CSNK1G1: variants seen among roughly 807,000 people sequenced by gnomAD.
CSNK1G1 encodes casein kinase 1 gamma 1.
Under a neutral mutation model 59.6 loss-of-function variants are expected in CSNK1G1, and 22 were observed. The observed-to-expected ratio is 0.37, with a 90% CI of 0.26 to 0.53. The LOEUF (loss-of-function observed/expected upper bound fraction) is 0.53. Ranked by LOEUF, CSNK1G1 falls within the 20% of genes least tolerant of loss-of-function variation. The probability of loss-of-function intolerance (pLI) is 0.89; values close to 1 mark genes in which losing one functional copy is unlikely to be tolerated. For synonymous variants in CSNK1G1, 179 were observed against 177.1 expected (o/e 1.01, Z -0.08); for missense variants, 384 against 519.5 (o/e 0.74, Z 2.54).
At chr15:64,267,421 T>G (rs1265491528) in intron 2 of CSNK1G1, among the ~76,000 whole-genome samples, 6 of 151,956 alleles carry the variant, frequency 3.9e-5, no homozygotes, top group Middle Eastern at 3.4e-3. Flanking sequence ...TGACAAAGGG[T>G]TAATATCCAG....
intron 10 of CSNK1G1, among the ~76,000 whole-genome samples, chr15:64,189,719 G>T (rs913562640): frequency 1.3e-5 from 2 of 151,730 alleles, no homozygotes; most frequent in Admixed American, 1.3e-4. Flanking sequence ...CCATATTTCA[G>T]TATCTCATTG....
rs1230884972 is a variant in CSNK1G1 at position 64,216,088 on chromosome 15, C to T, written c.444+474G>A. Among the ~76,000 whole-genome samples the T allele has an allele frequency of 2.0e-5, 3 of 151,504 alleles. No homozygotes were observed. Among genetic ancestry groups the T allele is most frequent in the Non-Finnish European group, 2.9e-5 (2 of 67,922 alleles). The stretch of plus-strand genomic sequence containing the variant: ...AAACACTTTTTTTTTTTTAAATGAG[C>T]TGGCATGGCACCTGCAGTCCTAGCT... On this transcript the variant is annotated intron_variant, in intron 5 of 11. Coordinates refer to ENST00000303052, the MANE Select transcript of CSNK1G1 (RefSeq NM_022048.5). The surrounding 1 kb of genome is among the most constrained non-coding windows in gnomAD (Gnocchi z 4.6).
intron 10 of CSNK1G1, among the ~76,000 whole-genome samples, chr15:64,191,644 C>T (rs1302374324): frequency 6.6e-6 from 1 of 152,112 alleles, no homozygotes; most frequent in South Asian, 2.1e-4. Context: ...AATCACATTC[C>T]ATCTCCATTC....
chr15:64,326,808 T>A (rs1295835853), intron 1 of CSNK1G1, among the ~76,000 whole-genome samples: 1 of 150,598 alleles, frequency 6.6e-6, no homozygotes, highest in African/African-American at 2.5e-5. Context: ...CGCAGGCCAG[T>A]GGGTGCGCGC....
chr15:64,220,063 C>T (rs961488448), intron 4 of CSNK1G1, among the ~76,000 whole-genome samples: 5 of 151,406 alleles, frequency 3.3e-5, no homozygotes, highest in Middle Eastern at 3.4e-3. Context: ...TGAGCCACCA[C>T]GCCCAGCCTC....
At chr15:64,277,564 TTAATATAATAAA>T (rs1893713248) in intron 2 of CSNK1G1, among the ~76,000 whole-genome samples, 1 of 132,260 alleles carries the variant, frequency 7.6e-6, no homozygotes, top group Non-Finnish European at 1.6e-5. Context: ...ATAATAAAAT[TTAATATAATAAA>T]TATATTAATA....
intron 2 of CSNK1G1, among the ~76,000 whole-genome samples, chr15:64,287,777 A>G (rs1894507532): frequency 6.6e-6 from 1 of 152,214 alleles, no homozygotes; most frequent in Non-Finnish European, 1.5e-5. Context: ...TGTTACCAGA[A>G]TACACAAAAG....
At chr15:64,196,795 T>TG (rs922820907) in intron 10 of CSNK1G1, among the ~76,000 whole-genome samples, 35 of 130,190 alleles carry the variant, frequency 2.7e-4, no homozygotes, top group Non-Finnish European at 4.5e-4. Flanking sequence ...TCTGTGTGTG[T>TG]TTTTTTTTTT....
chr15:64,213,984 A>G lies in CSNK1G1; in HGVS notation c.585T>C (p.Ile195=), dbSNP rs1365746694. The change falls in exon 6 of 12, where the codon ATT becomes ATC. Residue 195 remains isoleucine (I), a synonymous_variant. Transcript: ENST00000303052. ...IIDFGLAKEY[I]DPETKKHIPY... ...GTATGTGTTTTTTGGTTTCGGGGTCAATGTATTCCTTGGCCAGTCCAAAGT... is the reference window on the plus strand; with the variant it reads ...GTATGTGTTTTTTGGTTTCGGGGTCGATGTATTCCTTGGCCAGTCCAAAGT... The G allele has an allele frequency of 6.2e-7, 1 of 1,613,992 alleles. No individual in the cohort carries two copies. The highest frequency in any genetic ancestry group is 2.2e-5 in the East Asian group (1 of 44,886).
At chr15:64,277,839 A>G (rs1188796185) in intron 2 of CSNK1G1, among the ~76,000 whole-genome samples, 1 of 138,514 alleles carries the variant, frequency 7.2e-6, no homozygotes, top group African/African-American at 2.7e-5. Context: ...AATAATATTG[A>G]TATATTTAAT....
chr15:64,214,280 A>C lies in CSNK1G1; in HGVS notation c.445-156T>G, dbSNP rs1428121702. On this transcript the variant is annotated intron_variant, in intron 5 of 11. Coordinates refer to ENST00000303052, the MANE Select transcript of CSNK1G1 (RefSeq NM_022048.5). This position sits in a 1 kb window ranked among gnomAD's most constrained non-coding sequence, Gnocchi z 4.3. ...TGAGTCACTTCACTGACTTGTAAAC[A>C]AAAAAATATTTTGCTATAAATACGT... is the stretch of plus-strand genomic sequence containing the variant. The C allele has an allele frequency of 1.6e-6, 1 of 619,168 alleles. No homozygotes were observed. The highest frequency in any genetic ancestry group is 2.8e-6 in the Non-Finnish European group (1 of 350,882). 38.4% of individuals were successfully genotyped at this position (619,168 alleles called of 1,614,324 possible). A position where few individuals can be genotyped will look rare whatever the true frequency, so the allele number is the denominator to read the frequency against.
At chr15:64,283,086 A>G (rs559392942) in intron 2 of CSNK1G1, among the ~76,000 whole-genome samples, 49 of 152,314 alleles carry the variant, frequency 3.2e-4, no homozygotes, top group African/African-American at 1.1e-3. Context: ...TGGGTGCACC[A>G]AAATCTCAGA....
chr15:64,306,376 A>G (rs971562732), intron 1 of CSNK1G1, among the ~76,000 whole-genome samples: 1 of 152,244 alleles, frequency 6.6e-6, no homozygotes, highest in African/African-American at 2.4e-5. Flanking sequence ...TGGCAAATAC[A>G]TATATGAAAA....
chr15:64,281,788 C>T (rs564017710), intron 2 of CSNK1G1, among the ~76,000 whole-genome samples: 2 of 147,664 alleles, frequency 1.4e-5, no homozygotes, highest in Non-Finnish European at 3.0e-5. Context: ...TGCAGTGAGC[C>T]GAGACTGTGC....
Position 64,279,749 on chromosome 15 carries a change from G to A in CSNK1G1, c.182-20508C>T, listed in dbSNP as rs140367889. ...AGGACTTTGGGAGGCCGAGGTGGGC[G>A]GATCACAAGGTCAGGAGTTCAAGAC... On this transcript the variant is annotated intron_variant, in intron 2 of 11. Transcript: ENST00000303052. Among the ~76,000 whole-genome samples the A allele has an allele frequency of 3.1e-3, 469 of 152,022 alleles. 4 individuals are homozygous for A. The highest frequency in any genetic ancestry group is 0.011 in the African/African-American group (440 of 41,460).
At chr15:64,207,179 G>A (rs192854528) in intron 7 of CSNK1G1, among the ~76,000 whole-genome samples, 1 of 152,218 alleles carries the variant, frequency 6.6e-6, no homozygotes, top group Admixed American at 6.5e-5. Flanking sequence ...CCAAAGCCCA[G>A]GAGAGCATTT....
intron 1 of CSNK1G1, among the ~76,000 whole-genome samples, chr15:64,353,698 G>A (rs1343117862): frequency 6.6e-6 from 1 of 151,554 alleles, no homozygotes; most frequent in African/African-American, 2.4e-5. Flanking sequence ...GGGTGAGGTG[G>A]CTCACACCTG....
At chr15:64,173,105 A>G (rs2081695306) in intron 11 of CSNK1G1, among the ~76,000 whole-genome samples, 1 of 152,232 alleles carries the variant, frequency 6.6e-6, no homozygotes, top group African/African-American at 2.4e-5. Context: ...CTTTTCTGAA[A>G]AAACTATCTT....
chr15:64,318,868 C>G (rs185445760), intron 1 of CSNK1G1, among the ~76,000 whole-genome samples: 7 of 152,164 alleles, frequency 4.6e-5, no homozygotes, highest in African/African-American at 1.7e-4. Flanking sequence ...ATCTCAGCCT[C>G]CCAAAGTGCT....
Sources: gnomAD v4.1 joint callset for allele counts (sites outside exome capture counted in the v4.1 genomes callset) on GRCh38, gnomAD v4.1.1 for gene constraint, Gnocchi (gnomAD v3.1) non-coding constraint, MANE v1.5 for transcripts, NCBI Gene and HGNC (gene_info 2026-07-23, HGNC 2026-07-21) for gene names.